Variants in KIF11 observed in about 807,000 individuals in gnomAD.
KIF11 encodes the protein kinesin-like protein KIF11.
A neutral mutation model predicts 121.0 loss-of-function variants in KIF11; 9 were observed. The ratio of observed to expected loss-of-function variants is 0.07; its 90% CI spans 0.04 to 0.13. The LOEUF (loss-of-function observed/expected upper bound fraction) is 0.13. KIF11 is among the 10% of genes least tolerant of loss of function. The pLI, the probability that KIF11 is intolerant of heterozygous loss-of-function variation, is 1.00. For synonymous variants in KIF11, 408 were observed against 421.0 expected, an observed-to-expected ratio of 0.97 and a Z score of 0.38; for missense variants, 846 against 1,217.5, an observed-to-expected ratio of 0.69 and a Z score of 4.54.
In KIF11 at chr10:92,655,075, A is replaced by G. The variant is rs1018976812; in HGVS notation, c.*1279A>G. The G allele has an allele frequency of 2.0e-5, 3 of 152,646 alleles. No homozygotes were observed. Among genetic ancestry groups the G allele is most frequent in the Admixed American group, 6.5e-5 (1 of 15,276 alleles). 9.5% of individuals were successfully genotyped at this position (152,646 alleles called of 1,614,324 possible). ...GGACTCTGGTATTTTTGATCTGGCA[A>G]CCATATTTCTGGAAGTTGAGATGTT... On this transcript the variant is annotated 3_prime_UTR_variant, in exon 22 of 22. Transcript: ENST00000260731.
intron 14 of KIF11, among the ~76,000 whole-genome samples, 177 bp from the exon 15 acceptor site, chr10:92,637,007 T>C (rs540686464): frequency 8.0e-6 from 1 of 124,314 alleles, no homozygotes; most frequent in Admixed American, 1.0e-4. Flanking sequence ...TACTCCAACC[T>C]GGGTGACAGA....
At chr10:92,605,550 G>T (rs188930779) in intron 1 of KIF11, among the ~76,000 whole-genome samples, 23 of 144,440 alleles carry the variant, frequency 1.6e-4, no homozygotes, top group South Asian at 4.3e-4. Context: ...GCAATGGCGC[G>T]ATCTTGGCTC....
rs1042451030 is a variant in KIF11, at chr10:92,654,028, T to C, written c.*232T>C. The C allele has an allele frequency of 3.1e-6, 1 of 319,144 alleles. No homozygotes were observed. Among genetic ancestry groups the C allele is most frequent in the South Asian group, 3.9e-5 (1 of 25,574 alleles). 19.8% of individuals were successfully genotyped at this position (319,144 alleles called of 1,614,324 possible). A position where few individuals can be genotyped will look rare whatever the true frequency, so the allele number is the denominator to read the frequency against. ...GCAAAACCTCGTCTCTGTTAAAAAT[T>C]AGCCGGGCGTGGTGGCACACTCCTG... On this transcript the variant is annotated 3_prime_UTR_variant, in exon 22 of 22. Coordinates refer to ENST00000260731, the MANE Select transcript of KIF11 (RefSeq NM_004523.4).
intron 8 of KIF11, among the ~76,000 whole-genome samples, chr10:92,614,021 T>TACACACACACACACACACACAC (rs71028831): frequency 7.9e-6 from 1 of 127,054 alleles, no homozygotes; most frequent in African/African-American, 3.2e-5. Flanking sequence ...AGTATGTGTA[T>TACACACACACACACACACACAC]ACACACACAC....
intron 6 of KIF11, among the ~76,000 whole-genome samples, chr10:92,611,832 G>T (rs956515162): frequency 6.6e-6 from 1 of 152,182 alleles, no homozygotes; most frequent in African/African-American, 2.4e-5. Flanking sequence ...CCAGGAGGCA[G>T]AAGTTTCAGT....
Position 92,609,141 on chromosome 10 carries a change from ATCT to A in KIF11, c.514_516del (p.Leu172del). 6.2e-7 allele frequency: 1 copy of A among 1,604,204 alleles called. No individual in the cohort carries two copies. The highest frequency in any genetic ancestry group is 8.5e-7 in the Non-Finnish European group (1 of 1,174,594). ...GAGATCTATAATGAAGAGCTTTTTG[ATCT>A]TCTTAATCCATCATCTGATGTTTCT... On this transcript the variant is annotated inframe_deletion, in exon 5 of 22. Transcript: ENST00000260731.
chr10:92,645,735 A>G (rs1780625305), intron 18 of KIF11, 93 bp downstream of exon 18: 1 of 991,806 alleles, frequency 1.0e-6, no homozygotes, highest in Non-Finnish European at 1.5e-6. Context: ...AACAAATGAT[A>G]TTTTAAGCTA....
chr10:92,598,191 T>G (rs1489881065), intron 1 of KIF11, among the ~76,000 whole-genome samples: 1 of 152,230 alleles, frequency 6.6e-6, no homozygotes. Flanking sequence ...GTTGTGAAGC[T>G]TTTGCCTTAT....
At chr10:92,595,149 T>A (rs1178119610) in intron 1 of KIF11, among the ~76,000 whole-genome samples, 2 of 152,208 alleles carry the variant, frequency 1.3e-5, no homozygotes, top group Admixed American at 1.3e-4. Context: ...AACCTCCGCC[T>A]CCCGGATTCA....
intron 1 of KIF11, among the ~76,000 whole-genome samples, chr10:92,601,451 C>T (rs1295527574): frequency 4.0e-5 from 6 of 151,834 alleles, no homozygotes; most frequent in African/African-American, 9.7e-5. Flanking sequence ...CCTCGCGATC[C>T]GCCTGCCTCA....
rs1395326118 is a variant in KIF11 at position 92,639,779 on chromosome 10, A to G, written c.2161-15A>G. ...ATAATTTTAAGTCTCTTCACTTCCC[A>G]CACCTTTCTTACAGGAACTTTGCAA... On this transcript the variant is annotated splice_polypyrimidine_tract_variant and intron_variant, in intron 16 of 21. Coordinates refer to ENST00000260731, the MANE Select transcript of KIF11 (RefSeq NM_004523.4). 1 of 1,511,916 alleles carries G rather than the reference A, an allele frequency of 6.6e-7. No homozygotes were observed. 93.7% of individuals were successfully genotyped at this position (1,511,916 alleles called of 1,614,324 possible).
intron 21 of KIF11, 71 bp downstream of exon 21, chr10:92,650,588 G>C (rs1844970326): frequency 2.3e-6 from 2 of 887,406 alleles, no homozygotes; most frequent in Admixed American, 3.5e-5. Flanking sequence ...TAAAGGTATT[G>C]TTCGTGGTGA....
At chr10:92,596,731 A>C (rs1844300950) in intron 1 of KIF11, 1 of 151,906 alleles carries the variant, frequency 6.6e-6, no homozygotes, top group Non-Finnish European at 1.5e-5. Flanking sequence ...TTTGTTGTTG[A>C]GTTTTAGGAA....
intron 16 of KIF11, 145 bp downstream of exon 16, chr10:92,637,690 T>C (rs1054481553): frequency 7.5e-5 from 57 of 762,210 alleles, no homozygotes; most frequent in African/African-American, 1.1e-4. Flanking sequence ...CTTATAACAG[T>C]AATTATTGTA....
intron 8 of KIF11, among the ~76,000 whole-genome samples, chr10:92,614,211 C>G (rs903395029): frequency 7.9e-5 from 12 of 151,898 alleles, no homozygotes; most frequent in Non-Finnish European, 1.2e-4. Flanking sequence ...ATTCTCCTGC[C>G]TCAGCCTCCC....
intron 10 of KIF11, among the ~76,000 whole-genome samples, 160 bp downstream of exon 10, chr10:92,621,633 G>A (rs749738330): frequency 7.9e-6 from 1 of 127,202 alleles, no homozygotes; most frequent in Non-Finnish European, 1.5e-5. Context: ...ACAAGGTCTC[G>A]CACTGTCACC....
chr10:92,637,331 A>G (rs753989388), intron 15 of KIF11, 22 bp downstream of exon 15: 1 of 1,583,848 alleles, frequency 6.3e-7, no homozygotes, highest in East Asian at 2.2e-5. Context: ...TATGTTCTTA[A>G]TATCTCAAAA....
chr10:92,650,068 G>A (rs1052690571), intron 20 of KIF11, 82 bp downstream of exon 20: 1 of 1,061,210 alleles, frequency 9.4e-7, no homozygotes, highest in African/African-American at 1.6e-5. Flanking sequence ...GAATTTTACT[G>A]TTTACCCCTC....
Position 92,596,245 on chromosome 10 carries a change from T to C in KIF11, c.77+2793T>C, listed in dbSNP as rs184902259. Among the ~76,000 whole-genome samples the C allele has an allele frequency of 1.1e-4, 17 of 152,336 alleles. No individual in the cohort carries two copies. The East Asian group carries it at 2.9e-3, about 26-fold the overall frequency. ...GTCTCCATCTCCTGACCTTGTGATC[T>C]GCCCGCCTTGGCCTCCCTAAGAGCC... is the stretch of plus-strand genomic sequence containing the variant. On this transcript the variant is annotated intron_variant, in intron 1 of 21. Coordinates refer to ENST00000260731, the MANE Select transcript of KIF11 (RefSeq NM_004523.4).
Sources: gnomAD v4.1 joint callset for allele counts (sites outside exome capture counted in the v4.1 genomes callset) on GRCh38, gnomAD v4.1.1 for gene constraint, MANE v1.5 for transcripts, NCBI Gene and HGNC (gene_info 2026-07-23, HGNC 2026-07-21) for gene names.